The following LRP1B variants were observed in gnomAD, a reference collection of about 807,000 sequenced individuals.
The protein encoded by LRP1B is LDL receptor related protein 1B.
In LRP1B, 217 loss-of-function variants were observed where a neutral mutation model predicts 556.6. The ratio of observed to expected loss-of-function variants is 0.39; its 90% CI spans 0.35 to 0.44. The LOEUF (loss-of-function observed/expected upper bound fraction) is 0.44, where lower values mean the gene tolerates loss of function less well. LRP1B is among the 20% of genes least tolerant of loss of function. LRP1B has a pLI of 1.00. For missense variants in LRP1B, 5,053 were observed against 5,620.8 expected (o/e 0.90, Z 3.23); for synonymous variants, 2,047 against 1,865.8 (o/e 1.10, Z -2.50).
intron 7 of LRP1B, among the ~76,000 whole-genome samples, chr2:141,132,658 A>G (rs1217462865): frequency 6.6e-6 from 1 of 152,028 alleles, no homozygotes; most frequent in African/African-American, 2.4e-5. Flanking sequence ...ATAGTTAAAC[A>G]ACTAAAACTA....
chr2:140,826,948 G>T (rs1691529777), intron 31 of LRP1B, among the ~76,000 whole-genome samples: 1 of 152,100 alleles, frequency 6.6e-6, no homozygotes, highest in African/African-American at 2.4e-5. Flanking sequence ...AGTATTCTGA[G>T]CATGAAGACC....
chr2:141,060,971 T>C (rs1354954507), intron 8 of LRP1B, among the ~76,000 whole-genome samples: 1 of 151,814 alleles, frequency 6.6e-6, no homozygotes, highest in Non-Finnish European at 1.5e-5. Flanking sequence ...TTTAAAGTAG[T>C]CATGAAAAAA....
At chr2:140,301,800 CATAT>C (rs956071596) in intron 83 of LRP1B, among the ~76,000 whole-genome samples, 8 of 151,100 alleles carry the variant, frequency 5.3e-5, no homozygotes, top group Non-Finnish European at 7.4e-5. Flanking sequence ...CTGTACTTTA[CATAT>C]ATAAAGTACA....
intron 1 of LRP1B, among the ~76,000 whole-genome samples, chr2:141,916,541 CTT>C (rs58336400): frequency 0.051 from 6,322 of 124,604 alleles, 172 homozygotes; most frequent in Non-Finnish European, 0.06. Flanking sequence ...ATTTTTTGAA[CTT>C]TTTTTTTTTT....
intron 1 of LRP1B, among the ~76,000 whole-genome samples, chr2:142,108,582 T>C (rs1706843840): frequency 6.6e-6 from 1 of 152,230 alleles, no homozygotes; most frequent in Non-Finnish European, 1.5e-5. Context: ...TGTTCTAATA[T>C]CCTATATTTG....
At chr2:141,997,179 T>C in intron 1 of LRP1B, among the ~76,000 whole-genome samples, 1 of 84,258 alleles carries the variant, frequency 1.2e-5, no homozygotes. Context: ...ACTAGTTCAG[T>C]AGCTAAGATT....
intron 11 of LRP1B, among the ~76,000 whole-genome samples, chr2:141,038,782 T>C (rs970704704): frequency 2.0e-5 from 3 of 152,100 alleles, no homozygotes; most frequent in Non-Finnish European, 4.4e-5. Context: ...AAATGAAGAA[T>C]TCCTAAAGGA....
intron 25 of LRP1B, among the ~76,000 whole-genome samples, chr2:140,875,572 T>C (rs895773732): frequency 1.3e-5 from 2 of 152,320 alleles, no homozygotes; most frequent in Non-Finnish European, 2.9e-5. Flanking sequence ...AATGACTAAT[T>C]TTCAAAGACC....
chr2:141,629,723 T>C (rs953823313), intron 2 of LRP1B, among the ~76,000 whole-genome samples: 1 of 152,174 alleles, frequency 6.6e-6, no homozygotes, highest in African/African-American at 2.4e-5. Flanking sequence ...TTGGGTTGTT[T>C]AACCAACCAT....
At chr2:140,867,927 T>C (rs2105155010) in intron 26 of LRP1B, 93 bp from the exon 27 acceptor site, 2 of 1,373,672 alleles carry the variant, frequency 1.5e-6, no homozygotes, top group Non-Finnish European at 1.9e-6. Flanking sequence ...ACAAAAAAGG[T>C]ATTTTATAAA....
chr2:142,010,939 A>G (rs1272387376), intron 1 of LRP1B, among the ~76,000 whole-genome samples: 1 of 152,186 alleles, frequency 6.6e-6, no homozygotes, highest in African/African-American at 2.4e-5. Context: ...GTATTGTGCT[A>G]TCTTAATTAC....
At chr2:140,844,977 A>T (rs17576906) in intron 29 of LRP1B, among the ~76,000 whole-genome samples, 2 of 152,194 alleles carry the variant, frequency 1.3e-5, no homozygotes, top group African/African-American at 2.4e-5. Context: ...CCTTAAACTT[A>T]CAAAGAATGG....
chr2:141,815,623 A>G (rs1030067588), intron 1 of LRP1B, among the ~76,000 whole-genome samples: 1 of 152,204 alleles, frequency 6.6e-6, no homozygotes, highest in Admixed American at 6.5e-5. Flanking sequence ...AAAAGTAGCC[A>G]CTTGGAGGGA....
At chr2:141,639,349 T>TATACACACACAC (rs1262198983) in intron 2 of LRP1B, among the ~76,000 whole-genome samples, 12 of 56,094 alleles carry the variant, frequency 2.1e-4, no homozygotes, top group Middle Eastern at 0.013. Flanking sequence ...TATATATATA[T>TATACACACACAC]ACACACACAC....
At chr2:141,844,613 A>G (rs1030109117) in intron 1 of LRP1B, among the ~76,000 whole-genome samples, 6 of 152,080 alleles carry the variant, frequency 3.9e-5, no homozygotes, top group African/African-American at 1.4e-4. Flanking sequence ...AAACAATTCT[A>G]ATTTTACTTA....
At chr2:141,688,592 A>G (rs1194797737) in intron 2 of LRP1B, among the ~76,000 whole-genome samples, 1 of 151,866 alleles carries the variant, frequency 6.6e-6, no homozygotes, top group East Asian at 1.9e-4. Context: ...TTTTATAACT[A>G]AAGAAACTGA....
intron 15 of LRP1B, among the ~76,000 whole-genome samples, chr2:140,996,714 G>T (rs1429498160): frequency 5.3e-5 from 8 of 151,940 alleles, no homozygotes; most frequent in Non-Finnish European, 1.2e-4. Flanking sequence ...TGGCTAAGCA[G>T]CTAATTCTCT....
At chr2:140,752,056 C>G (rs1328977627) in intron 35 of LRP1B, among the ~76,000 whole-genome samples, 3 of 151,984 alleles carry the variant, frequency 2.0e-5, no homozygotes, top group Non-Finnish European at 4.4e-5. Flanking sequence ...ATGGCTCACA[C>G]CTGTAATCCC....
At chr2:140,260,176 ATATAT>A (rs1281824245) in intron 86 of LRP1B, among the ~76,000 whole-genome samples, 1 of 151,984 alleles carries the variant, frequency 6.6e-6, no homozygotes, top group East Asian at 1.9e-4. Flanking sequence ...AAGCAATAAT[ATATAT>A]TATAAGGAGT....
Sources: gnomAD v4.1 joint callset for allele counts (sites outside exome capture counted in the v4.1 genomes callset) on GRCh38, gnomAD v4.1.1 for gene constraint, MANE v1.5 for transcripts, NCBI Gene and HGNC (gene_info 2026-07-23, HGNC 2026-07-21) for gene names.